The following SLC38A6 variants were observed in gnomAD, a reference collection of about 807,000 sequenced individuals.
The protein encoded by SLC38A6 is solute carrier family 38 member 6.
SLC38A6 carries 73 observed loss-of-function variants against 65.0 expected under a neutral mutation model. That is an observed-to-expected ratio of 1.12 (90% confidence interval 0.93 to 1.37). SLC38A6 has a LOEUF of 1.37. Ranked by LOEUF, SLC38A6 falls within the 40% of genes most tolerant of loss-of-function variation. SLC38A6 has a pLI of 0.00. For missense variants in SLC38A6, 561 were observed against 531.1 expected (o/e 1.06, Z -0.55); for synonymous variants, 183 against 178.8 (o/e 1.02, Z -0.19).
chr14:61,027,733 G>A (rs1423145793), intron 5 of SLC38A6, among the ~76,000 whole-genome samples: 1 of 37,538 alleles, frequency 2.7e-5, no homozygotes, highest in Non-Finnish European at 7.8e-5. Context: ...ATAATATAAT[G>A]TGTTAAAGTG....
chr14:61,033,303 G>C (rs1283177875), intron 6 of SLC38A6, among the ~76,000 whole-genome samples: 1 of 151,874 alleles, frequency 6.6e-6, no homozygotes, highest in East Asian at 1.9e-4. Context: ...AAAAACATCT[G>C]CATGCCAAAG....
chr14:60,992,815 A>G (rs2038006475), intron 3 of SLC38A6, among the ~76,000 whole-genome samples: 1 of 151,104 alleles, frequency 6.6e-6, no homozygotes, highest in African/African-American at 2.4e-5. Context: ...GCCCTCTGGC[A>G]TCTTAAGAGA....
intron 16 of SLC38A6, chr14:61,083,545 G>T (rs753147365): frequency 4.8e-5 from 75 of 1,548,272 alleles, no homozygotes; most frequent in African/African-American, 3.4e-4. Flanking sequence ...TGGTGTTCTT[G>T]TAAGAAAAGG....
At chr14:61,022,251 G>T (rs2040381012) in intron 5 of SLC38A6, among the ~76,000 whole-genome samples, 1 of 151,984 alleles carries the variant, frequency 6.6e-6, no homozygotes, top group African/African-American at 2.4e-5. Flanking sequence ...AAGCATTCAT[G>T]GATGCTATTT....
At chr14:61,027,531 A>G (rs1282444155) in intron 5 of SLC38A6, among the ~76,000 whole-genome samples, 2 of 152,194 alleles carry the variant, frequency 1.3e-5, no homozygotes, top group Non-Finnish European at 2.9e-5. Flanking sequence ...ACTGTGGCAG[A>G]CAGCTATTTG....
chr14:61,019,529 G>C lies in SLC38A6; in HGVS notation c.364-12G>C. 6.2e-7 allele frequency: 1 copy of C among 1,612,524 alleles called. No homozygotes were observed. The highest frequency in any genetic ancestry group is 8.5e-7 in the Non-Finnish European group (1 of 1,179,080). ...CCCCTTCTATCTTCTGAATATTTCT[G>C]TTCTTTTACAGTTGGTGGTGGCAGG... is the stretch of plus-strand genomic sequence containing the variant. On this transcript the variant is annotated splice_polypyrimidine_tract_variant and intron_variant, in intron 4 of 15. Coordinates refer to ENST00000267488, the MANE Select transcript of SLC38A6 (RefSeq NM_153811.3).
chr14:61,000,524 G>A (rs568296179), intron 3 of SLC38A6, among the ~76,000 whole-genome samples: 2 of 152,116 alleles, frequency 1.3e-5, no homozygotes, highest in South Asian at 2.1e-4. Context: ...CCAGCTACTC[G>A]GGAGCCCGAG....
intron 15 of SLC38A6, among the ~76,000 whole-genome samples, chr14:61,075,358 A>G (rs2043364287): frequency 1.3e-5 from 2 of 152,158 alleles, no homozygotes; most frequent in South Asian, 2.1e-4. Flanking sequence ...TGATCCAGAA[A>G]CCTCAAAAAG....
chr14:61,038,801 A>G (rs534578223), intron 8 of SLC38A6, among the ~76,000 whole-genome samples: 1 of 152,320 alleles, frequency 6.6e-6, no homozygotes, highest in Non-Finnish European at 1.5e-5. Flanking sequence ...ACATTTAATC[A>G]TTTGTTGAAT....
intron 2 of SLC38A6, 72 bp downstream of exon 2, chr14:60,982,710 T>G: frequency 1.4e-6 from 2 of 1,452,454 alleles, no homozygotes; most frequent in Non-Finnish European, 1.9e-6. Context: ...GAGAGATAGA[T>G]TCCAGAAGCT....
chr14:61,077,474 A>G (rs2043463507), intron 15 of SLC38A6, among the ~76,000 whole-genome samples: 1 of 152,218 alleles, frequency 6.6e-6, no homozygotes, highest in South Asian at 2.1e-4. Flanking sequence ...ATTTTTGTCA[A>G]CACTTCAGAA....
chr14:60,995,003 C>CAAAAAAAA (rs34888148), intron 3 of SLC38A6, among the ~76,000 whole-genome samples: 4 of 73,154 alleles, frequency 5.5e-5, no homozygotes, highest in African/African-American at 9.9e-5. Flanking sequence ...GACTCCATCT[C>CAAAAAAAA]AAAAAAAAAA....
intron 3 of SLC38A6, among the ~76,000 whole-genome samples, chr14:61,006,679 G>T (rs988939455): frequency 2.0e-5 from 3 of 152,216 alleles, no homozygotes; most frequent in African/African-American, 7.2e-5. Context: ...GAAACAACAG[G>T]TGCTGGAGAG....
intron 8 of SLC38A6, among the ~76,000 whole-genome samples, chr14:61,039,661 G>A (rs1213243087): frequency 6.6e-6 from 1 of 151,472 alleles, no homozygotes; most frequent in African/African-American, 2.4e-5. Context: ...GTGAGCCACC[G>A]TGCCCAGCCA....
intron 3 of SLC38A6, among the ~76,000 whole-genome samples, chr14:60,993,889 T>G (rs901626053): frequency 6.6e-6 from 1 of 152,118 alleles, no homozygotes; most frequent in African/African-American, 2.4e-5. Flanking sequence ...ATGAGATACC[T>G]CTACACATGT....
At chr14:61,068,419 A>G (rs2043105035) in intron 15 of SLC38A6, among the ~76,000 whole-genome samples, 1 of 152,060 alleles carries the variant, frequency 6.6e-6, no homozygotes, top group Admixed American at 6.5e-5. Flanking sequence ...ACAAGGCTCA[A>G]TTTTGTCTGT....
chr14:61,049,695 T>G (rs2042389576), intron 12 of SLC38A6, among the ~76,000 whole-genome samples: 2 of 152,208 alleles, frequency 1.3e-5, no homozygotes, highest in Non-Finnish European at 2.9e-5. Context: ...CTTTTGTTTT[T>G]GGTTTCCCTC....
At chr14:61,040,338 ATTT>A (rs71114180) in intron 8 of SLC38A6, among the ~76,000 whole-genome samples, 7 of 134,736 alleles carry the variant, frequency 5.2e-5, no homozygotes, top group Admixed American at 7.6e-5. Flanking sequence ...CGCCTGGATA[ATTT>A]TTTTTTTTTT....
At chr14:60,998,272 C>T (rs2149302) in intron 3 of SLC38A6, among the ~76,000 whole-genome samples, 141,260 of 151,654 alleles carry the variant, frequency 0.93, 66,180 homozygotes, top group Non-Finnish European at 0.99. Flanking sequence ...ATGTTGCCTT[C>T]TGCCTGCCAT....
Sources: allele counts gnomAD v4.1 joint callset (sites outside exome capture counted in the v4.1 genomes callset), GRCh38; gene constraint gnomAD v4.1.1; transcripts MANE v1.5; gene names NCBI Gene and HGNC (gene_info 2026-07-23, HGNC 2026-07-21).